The following JAK3 variants were observed in gnomAD, a reference collection of about 807,000 sequenced individuals.
JAK3 encodes the protein Janus kinase 3, also known as tyrosine-protein kinase JAK3.
Under a neutral mutation model 120.8 loss-of-function variants are expected in JAK3, and 88 were observed. The ratio of observed to expected loss-of-function variants is 0.73; its 90% confidence interval spans 0.61 to 0.87. The LOEUF (loss-of-function observed/expected upper bound fraction) is 0.87. JAK3 is among the 40% of genes least tolerant of loss of function. The pLI is 0.00. For missense variants in JAK3, 1,254 were observed against 1,501.4 expected (o/e 0.84, Z 2.72); for synonymous variants, 592 against 628.6 (o/e 0.94, Z 0.87).
At position 17,831,866 on chromosome 19, in the gene JAK3, A is replaced by G. The variant is rs1281335336; in HGVS notation, c.2681-68T>C. The G allele has an allele frequency of 8.2e-6, 13 of 1,594,168 alleles. No individual in the cohort carries two copies. Among genetic ancestry groups the G allele is most frequent in the African/African-American group, 1.3e-5 (1 of 74,494 alleles). ...CGTCCCCCCATTCTTCCCCCCTTTCACAGTGGGACCTTGTGTCCCTCTCGA... is the reference window on the plus strand; with the variant it reads ...CGTCCCCCCATTCTTCCCCCCTTTCGCAGTGGGACCTTGTGTCCCTCTCGA... On this transcript the variant is annotated intron_variant, in intron 19 of 23. Transcript: ENST00000458235. This position sits in a 1 kb window ranked among gnomAD's most constrained non-coding sequence, Gnocchi z 5.1.
chr19:17,840,304 A>C lies in JAK3; in HGVS notation c.1180T>G (p.Ser394Ala). The change falls in exon 9 of 24, where the codon TCA (serine) becomes GCA (alanine). Residue 394 changes from serine (S) to alanine (A), a missense_variant. Physicochemically the swap from Ser to Ala is moderately conservative, Grantham distance 99. This residue lies in a region of JAK3 where 486 missense variants were observed against 503.0 expected (regional missense o/e 0.97). Transcript: ENST00000458235. Reference sequence around the variant, plus strand: ...CGGAGAACATAGGAGCCAGGACGTGAGCCCCCAGTCTTGAGCTTGTTGATG... The same window carrying C: ...CGGAGAACATAGGAGCCAGGACGTGCGCCCCCAGTCTTGAGCTTGTTGATG... ...FAINKLKTGGSRPGSYVLRRS... is the reference protein window; with the variant it reads ...FAINKLKTGGARPGSYVLRRS... 3 of 1,613,968 alleles carry C rather than the reference A, an allele frequency of 1.9e-6. No individual in the cohort carries two copies. Among genetic ancestry groups the C allele is most frequent in the Non-Finnish European group, 2.5e-6 (3 of 1,179,986 alleles).
intron 10 of JAK3, among the ~76,000 whole-genome samples, 178 bp from the exon 11 acceptor site, chr19:17,838,568 G>A (rs934490400): frequency 3.3e-5 from 5 of 152,100 alleles, no homozygotes; most frequent in East Asian, 3.8e-4. Flanking sequence ...CTGTTGAGAC[G>A]GAGTCTCACT....
At chr19:17,845,381 C>T (rs1470379114) in intron 1 of JAK3, among the ~76,000 whole-genome samples, 4 of 152,082 alleles carry the variant, frequency 2.6e-5, no homozygotes, top group Non-Finnish European at 5.9e-5. Flanking sequence ...ATCTCAAACT[C>T]CTGGCCTCAA....
At chr19:17,847,742 G>A (rs1192508893) in intron 1 of JAK3, among the ~76,000 whole-genome samples, 2 of 152,080 alleles carry the variant, frequency 1.3e-5, no homozygotes, top group East Asian at 3.9e-4. Flanking sequence ...GCATCTCCCG[G>A]CCTTAGTCAA....
intron 21 of JAK3, 143 bp from the exon 22 acceptor site, chr19:17,830,763 G>T: frequency 1.5e-6 from 1 of 676,468 alleles, no homozygotes; most frequent in Non-Finnish European, 2.7e-6. Flanking sequence ...TTCCCTGGCT[G>T]TGGGATAGGT....
rs2094215411 is a variant in JAK3 at position 17,831,984 on chromosome 19, A to C, written c.2681-186T>G. 6.6e-6 allele frequency among the ~76,000 whole-genome samples: 1 copy of C among 152,220 alleles called. No homozygotes were observed. The highest frequency in any genetic ancestry group is 2.4e-5 in the African/African-American group (1 of 41,448). ...TTCTACAACATACATTGATGTGTTTATATATCACGGCCAGGTGCAGTGGCT... is the reference window on the plus strand; with the variant it reads ...TTCTACAACATACATTGATGTGTTTCTATATCACGGCCAGGTGCAGTGGCT... On this transcript the variant is annotated intron_variant, in intron 19 of 23. Coordinates refer to ENST00000458235, the MANE Select transcript of JAK3 (RefSeq NM_000215.4). The surrounding 1 kb of genome is among the most constrained non-coding windows in gnomAD (Gnocchi z 5.1).
In JAK3 at chr19:17,843,458, C is replaced by T. The variant is rs1359401060; in HGVS notation, c.342G>A (p.Lys114=). The T allele has an allele frequency of 1.9e-6, 3 of 1,599,576 alleles. No individual in the cohort carries two copies. The highest frequency in any genetic ancestry group is 2.6e-6 in the Non-Finnish European group (3 of 1,173,178). ...CCTTGCGTAGCCCGAAGCGGTGGCA[C>T]TTCTCCAGCCCAAACCAATTGGGGA... ...FYFPNWFGLE[K]CHRFGLRKDL... Residue 114 remains lysine, a synonymous_variant, in exon 4 of 24, where the codon AAG becomes AAA. Transcript: ENST00000458235. The surrounding 1 kb of genome is among the most constrained non-coding windows in gnomAD (Gnocchi z 5.4).
In JAK3 at chr19:17,842,796, C is replaced by T; in HGVS notation, c.567-186G>A. On this transcript the variant is annotated intron_variant, in intron 5 of 23. Coordinates refer to ENST00000458235, the MANE Select transcript of JAK3 (RefSeq NM_000215.4). This position sits in a 1 kb window ranked among gnomAD's most constrained non-coding sequence, Gnocchi z 6.4. ...CCTCAGAGTAGGGGAGGGCCATTGG[C>T]GCCCACAGGTCGGACAGGGACCCCA... 2.4e-6 allele frequency: 2 copies of T among 830,858 alleles called. No individual in the cohort carries two copies. The highest frequency in any genetic ancestry group is 3.7e-6 in the Non-Finnish European group (2 of 536,688). 51.5% of individuals were successfully genotyped at this position (830,858 alleles called of 1,614,324 possible).
chr19:17,837,270 C>A, intron 12 of JAK3, 57 bp from the exon 13 acceptor site: 1 of 1,412,358 alleles, frequency 7.1e-7, no homozygotes, highest in South Asian at 1.2e-5. Flanking sequence ...CCAATAATCC[C>A]AAATTTTGTG....
chr19:17,843,117 T>A lies in JAK3; in HGVS notation c.476A>T (p.Gln159Leu). ...RLPVGLSLKE[Q>L]GECLSLAVLD... ...CACGGCCAGGCTGAGACACTCACCC[T>A]GCTCCTTGAGACTGAGGCCCACGGG... Residue 159 changes from glutamine to leucine, a missense_variant, in exon 5 of 24, where the codon CAG becomes CTG. Around this residue, in one of 3 missense-constraint regions of JAK3, gnomAD observed 486 missense variants for 503.0 expected, o/e 0.97. Transcript: ENST00000458235. The surrounding 1 kb of genome is among the most constrained non-coding windows in gnomAD (Gnocchi z 5.4). 6.2e-7 allele frequency: 1 copy of A among 1,609,880 alleles called. No individual in the cohort carries two copies. The highest frequency in any genetic ancestry group is 8.5e-7 in the Non-Finnish European group (1 of 1,179,886).
Position 17,842,656 on chromosome 19 carries a change from G to T in JAK3, c.567-46C>A. ...GGAGCCGGCCCTCAGCGTCGGGAGGGGTCCCCGCGGGGACACACACAAACC... is the reference window on the plus strand; with the variant it reads ...GGAGCCGGCCCTCAGCGTCGGGAGGTGTCCCCGCGGGGACACACACAAACC... On this transcript the variant is annotated intron_variant, in intron 5 of 23. Coordinates refer to ENST00000458235, the MANE Select transcript of JAK3 (RefSeq NM_000215.4). The surrounding 1 kb of genome is among the most constrained non-coding windows in gnomAD (Gnocchi z 6.4). The T allele has an allele frequency of 6.7e-7, 1 of 1,491,482 alleles. No homozygotes were observed. The highest frequency in any genetic ancestry group is 9.0e-7 in the Non-Finnish European group (1 of 1,114,346). 92.4% of individuals were successfully genotyped at this position (1,491,482 alleles called of 1,614,324 possible). A position where few individuals can be genotyped will look rare whatever the true frequency, so the allele number is the denominator to read the frequency against.
intron 17 of JAK3, among the ~76,000 whole-genome samples, chr19:17,833,709 C>T (rs75844118): frequency 0.011 from 1,609 of 151,988 alleles, 9 homozygotes; most frequent in Non-Finnish European, 0.015. Flanking sequence ...AAAATTTAGC[C>T]GTGTTTGGTG....
intron 8 of JAK3, 44 bp from the exon 9 acceptor site, chr19:17,840,385 A>G: frequency 7.5e-7 from 1 of 1,331,920 alleles, no homozygotes; most frequent in Non-Finnish European, 1.1e-6. Flanking sequence ...TCAGAGATAG[A>G]AGAAGACAGA....
chr19:17,830,302 C>T, intron 22 of JAK3, 84 bp from the exon 23 acceptor site: 7 of 1,130,772 alleles, frequency 6.2e-6, no homozygotes, highest in Non-Finnish European at 7.8e-6. Flanking sequence ...GGGGTAGGGG[C>T]CATCTGTGAT....
chr19:17,841,804 C>G lies in JAK3; in HGVS notation c.862-42G>C, dbSNP rs1440065301. ...GTACCGAAGTGGGGGCCCAGCTGGA[C>G]CCCGCCAAACCACGCCCATGAACCC... On this transcript the variant is annotated intron_variant, in intron 6 of 23. Transcript: ENST00000458235. This position sits in a 1 kb window ranked among gnomAD's most constrained non-coding sequence, Gnocchi z 4.1. The G allele has an allele frequency of 6.3e-7, 1 of 1,598,214 alleles. No homozygotes were observed. Among genetic ancestry groups the G allele is most frequent in the Non-Finnish European group, 8.5e-7 (1 of 1,179,572 alleles).
At position 17,830,558 on chromosome 19, in the gene JAK3, C is replaced by G; in HGVS notation, c.3041G>C (p.Gly1014Ala). The stretch of plus-strand genomic sequence containing the variant: ...GGTGAAGAGCTCGTACAGGACGACC[C>G]CGAAGCTCCAGACGTCTGACTGGCG... ...FSRQSDVWSF[G>A]VVLYELFTYC... is the part of the protein sequence containing the mutation. Residue 1014 changes from glycine (G) to alanine (A), a missense_variant, in exon 22 of 24, where the codon GGG becomes GCG. Transcript: ENST00000458235. 2 of 1,613,644 alleles carry G rather than the reference C, an allele frequency of 1.2e-6. No individual in the cohort carries two copies. Among genetic ancestry groups the G allele is most frequent in the Non-Finnish European group, 1.7e-6 (2 of 1,179,858 alleles).
rs543730045 is a variant in JAK3 at position 17,831,841 on chromosome 19, C to A, written c.2681-43G>T. The A allele has an allele frequency of 6.2e-7, 1 of 1,606,400 alleles. No individual in the cohort carries two copies. ...TGTCACAGCAGGGCCCAGCCCTGCT[C>A]GTCCCCCCATTCTTCCCCCCTTTCA... On this transcript the variant is annotated intron_variant, in intron 19 of 23. Coordinates refer to ENST00000458235, the MANE Select transcript of JAK3 (RefSeq NM_000215.4). The surrounding 1 kb of genome is among the most constrained non-coding windows in gnomAD (Gnocchi z 5.1).
At chr19:17,840,742 G>A (rs920001033) in intron 8 of JAK3, among the ~76,000 whole-genome samples, 18 of 150,910 alleles carry the variant, frequency 1.2e-4, no homozygotes, top group Admixed American at 5.9e-4. Context: ...CAGCCTGGGC[G>A]ACAGAGCCAG....
Position 17,831,653 on chromosome 19 carries a change from T to C in JAK3, c.2805+21A>G, listed in dbSNP as rs779896628. On this transcript the variant is annotated intron_variant, in intron 20 of 23. Transcript: ENST00000458235. This position sits in a 1 kb window ranked among gnomAD's most constrained non-coding sequence, Gnocchi z 5.1. ...GCCGTGCCAGCTGAATCCCCACAAG[T>C]CCCGGGGCGCCCCCTCGCACCTTGC... 1 of 1,599,102 alleles carries C rather than the reference T, an allele frequency of 6.3e-7. No individual in the cohort carries two copies. Among genetic ancestry groups the C allele is most frequent in the Non-Finnish European group, 8.5e-7 (1 of 1,174,514 alleles).
Sources: allele counts gnomAD v4.1 joint callset (sites outside exome capture counted in the v4.1 genomes callset), GRCh38; gene constraint gnomAD v4.1.1; regional missense constraint gnomAD v4.1.1; non-coding constraint Gnocchi (gnomAD v3.1); transcripts MANE v1.5; gene names NCBI Gene and HGNC (gene_info 2026-07-23, HGNC 2026-07-21).